ABCA2: variants seen among roughly 807,000 people sequenced by gnomAD.
ABCA2 encodes ATP-binding cassette sub-family A member 2.
In ABCA2, 84 loss-of-function variants were observed where a neutral mutation model predicts 262.8. The observed-to-expected ratio is 0.32, with a 90% CI of 0.27 to 0.38. The LOEUF is 0.38. Ranked by LOEUF, ABCA2 falls within the 10% of genes least tolerant of loss-of-function variation. ABCA2 has a pLI of 1.00. For missense variants in ABCA2, 2,662 were observed against 3,405.9 expected, an observed-to-expected ratio of 0.78 and a Z score of 5.44; for synonymous variants, 1,696 against 1,502.9, an observed-to-expected ratio of 1.13 and a Z score of -2.97.
Position 137,016,004 on chromosome 9 carries a change from A to T in ABCA2, c.3275T>A (p.Leu1092His). ...GATCTCCTCCTGAGCCATGCTCTTG[A>T]GCCGTGAGTAGAACCAGAGGTGTTC... ...VEEHLWFYSR[L>H]KSMAQEEIRR... Residue 1092 changes from leucine to histidine, a missense_variant, in exon 22 of 49, where the codon CTC becomes CAC. By Grantham distance (99) the Leu-to-His change is moderately conservative (BLOSUM62 -3). Coordinates refer to ENST00000341511, the MANE Select transcript of ABCA2 (RefSeq NM_001606.5). 1 of 1,532,624 alleles carries T rather than the reference A, an allele frequency of 6.5e-7. No homozygotes were observed. Among genetic ancestry groups the T allele is most frequent in the Non-Finnish European group, 8.8e-7 (1 of 1,135,776 alleles). 94.9% of individuals were successfully genotyped at this position (1,532,624 alleles called of 1,614,324 possible).
chr9:137,023,996 G>A (rs1263023632), intron 2 of ABCA2, 147 bp downstream of exon 2: 2 of 1,531,156 alleles, frequency 1.3e-6, no homozygotes, highest in African/African-American at 1.4e-5. Flanking sequence ...CAGCCAGGAG[G>A]CACGGCCCAG....
At chr9:137,026,287 A>G (rs934330570) in intron 1 of ABCA2, among the ~76,000 whole-genome samples, 6 of 152,314 alleles carry the variant, frequency 3.9e-5, no homozygotes, top group Non-Finnish European at 7.4e-5. Context: ...AGCTCTGCCC[A>G]GGGTGGAGCT....
In ABCA2 at chr9:137,019,353, C is replaced by A. The variant is rs1831374536; in HGVS notation, c.1426-47G>T. 1.3e-6 allele frequency: 2 copies of A among 1,599,302 alleles called. No individual in the cohort carries two copies. The highest frequency in any genetic ancestry group is 3.4e-5 in the Admixed American group (2 of 59,326). On this transcript the variant is annotated intron_variant, in intron 10 of 48. Coordinates refer to ENST00000341511, the MANE Select transcript of ABCA2 (RefSeq NM_001606.5). The surrounding 1 kb of genome is among the most constrained non-coding windows in gnomAD (Gnocchi z 4.4). ...CATGGAGTTTCTGGACGGACCCCCA[C>A]CGACTTGGGGGCTCTCACCCCACTC...
Position 137,008,554 on chromosome 9 carries a change from T to C in ABCA2, c.7137A>G (p.Ala2379=). 3 of 1,606,808 alleles carry C rather than the reference T, an allele frequency of 1.9e-6. No individual in the cohort carries two copies. The highest frequency in any genetic ancestry group is 1.7e-6 in the Non-Finnish European group (2 of 1,177,406). Reference sequence around the variant, plus strand: ...GCAAGCAGCCGAGAGGGGACTGCAGTGCGGATGGCGGCTCCGTCTCCTGCT... The same window carrying C: ...GCAAGCAGCCGAGAGGGGACTGCAGCGCGGATGGCGGCTCCGTCTCCTGCT... ...LEQQETEPPS[A]LQSPLGCLLS... is the part of the protein sequence containing the mutation. The change falls in exon 48 of 49, where the codon GCA becomes GCG. Residue 2379 remains alanine (A), a synonymous_variant. Coordinates refer to ENST00000341511, the MANE Select transcript of ABCA2 (RefSeq NM_001606.5).
chr9:137,013,307 G>C lies in ABCA2; in HGVS notation c.4562C>G (p.Ser1521Trp), dbSNP rs1187029991. ...EERREYRLRL[S>W]PDASPQQLVS... ...GAGCTGCTGGGGGCTGGCGTCGGGC[G>C]ATAGCCGCAGCCTGCGGGCACCGAC... The change falls in exon 30 of 49, where the codon TCG (serine) becomes TGG (tryptophan). Residue 1521 changes from serine to tryptophan, a missense_variant. Around this residue, in one of 12 missense-constraint regions of ABCA2, gnomAD observed 192 missense variants for 207.2 expected, o/e 0.93. Coordinates refer to ENST00000341511, the MANE Select transcript of ABCA2 (RefSeq NM_001606.5). 3 of 1,554,142 alleles carry C rather than the reference G, an allele frequency of 1.9e-6. No individual in the cohort carries two copies. Among genetic ancestry groups the C allele is most frequent in the African/African-American group, 1.4e-5 (1 of 73,746 alleles).
Position 137,016,989 on chromosome 9 carries a change from C to T in ABCA2, c.2689G>A (p.Val897Ile). The change falls in exon 19 of 49, where the codon GTC (valine) becomes ATC (isoleucine). Residue 897 changes from valine to isoleucine, a missense_variant. Val to Ile is a conservative substitution (Grantham distance 29). Around this residue, in one of 12 missense-constraint regions of ABCA2, gnomAD observed 188 missense variants for 343.4 expected, o/e 0.55. Coordinates refer to ENST00000341511, the MANE Select transcript of ABCA2 (RefSeq NM_001606.5). ...ACGGCGTCCACCATCAGCATGGTGA[C>T]AGCCAGGAGCAAGTTGAAGTCGTCC... ...EGDDFNLLLA[V>I]TMLMVDAVVY... 6.2e-7 allele frequency: 1 copy of T among 1,612,820 alleles called. No homozygotes were observed. The highest frequency in any genetic ancestry group is 8.5e-7 in the Non-Finnish European group (1 of 1,179,998).
At chr9:137,010,930 CCTGCT>C in intron 39 of ABCA2, 38 bp downstream of exon 39, 1 of 671,756 alleles carries the variant, frequency 1.5e-6, no homozygotes, top group Admixed American at 2.5e-5. Flanking sequence ...CGAACCCATC[CCTGCT>C]CCCGCCCCGC....
In ABCA2 at chr9:137,017,068, C is replaced by T. The variant is rs1311112062; in HGVS notation, c.2610G>A (p.Glu870=). 6.2e-7 allele frequency: 1 copy of T among 1,612,688 alleles called. No homozygotes were observed. Among genetic ancestry groups the T allele is most frequent in the African/African-American group, 1.3e-5 (1 of 74,942 alleles). ...GLGSKYFALY[E]VAGVGIQWHT... ...GCCACTGGATGCCCACGCCGGCCAC[C>T]TCATACAGCGCGAAGTACTTAGAGC... Residue 870 remains glutamate, a synonymous_variant, in exon 19 of 49, where the codon GAG becomes GAA. Transcript: ENST00000341511.
rs200303957 is a variant in ABCA2, at chr9:137,007,994, G to A, written c.7276-30C>T. The A allele has an allele frequency of 1.7e-4, 276 of 1,594,180 alleles. 2 individuals carry two copies. The East Asian group carries it at 6.1e-3, about 35-fold the overall frequency. On this transcript the variant is annotated intron_variant, in intron 48 of 48. Coordinates refer to ENST00000341511, the MANE Select transcript of ABCA2 (RefSeq NM_001606.5). ...GCACAGGGGAGGTCAGGCTTATGGG[G>A]CATCCTGTGCCACCCCCTGCTGGGG...
Position 137,009,831 on chromosome 9 carries a change from C to A in ABCA2, c.6568G>T (p.Gly2190Cys). 1 of 1,612,530 alleles carries A rather than the reference C, an allele frequency of 6.2e-7. No homozygotes were observed. Among genetic ancestry groups the A allele is most frequent in the South Asian group, 1.1e-5 (1 of 91,038 alleles). Residue 2190 changes from glycine (G) to cysteine (C), a missense_variant, in exon 43 of 49, where the codon GGC (glycine) becomes TGC (cysteine). Gly to Cys is a radical substitution (Grantham distance 159). Around this residue, in one of 12 missense-constraint regions of ABCA2, gnomAD observed 602 missense variants for 897.4 expected, o/e 0.67. Transcript: ENST00000341511. The stretch of plus-strand genomic sequence containing the variant: ...GCCGTGGAGAGCTTCCGCTTGTTGC[C>A]GCCGCTGTAGGTGCCAGCCGGCTTG... ...ADKPAGTYSGGNKRKLSTAIA... is the reference protein window; with the variant it reads ...ADKPAGTYSGCNKRKLSTAIA...
intron 29 of ABCA2, 61 bp from the exon 30 acceptor site, chr9:137,013,379 C>T: frequency 6.6e-7 from 1 of 1,525,098 alleles, no homozygotes; most frequent in Non-Finnish European, 8.8e-7. Context: ...AGCCCCGCCC[C>T]CTCGCCCGCC....
In ABCA2 at chr9:137,009,087, G is replaced by A. The variant is rs774815103; in HGVS notation, c.6828-34C>T. The A allele has an allele frequency of 3.9e-5, 62 of 1,586,188 alleles. No homozygotes were observed. In the South Asian group the frequency reaches 5.1e-4, roughly 13 times the overall value. On this transcript the variant is annotated intron_variant, in intron 45 of 48. Transcript: ENST00000341511. Reference sequence around the variant, plus strand: ...ACAGGCCGGTGGCCCGGAGCCCTGCGCCGCCCAGCCAGAGCCCCAGCCCCC... The same window carrying A: ...ACAGGCCGGTGGCCCGGAGCCCTGCACCGCCCAGCCAGAGCCCCAGCCCCC...
chr9:137,009,927 G>A (rs768610343), intron 42 of ABCA2, 24 bp from the exon 43 acceptor site: 18 of 1,600,998 alleles, frequency 1.1e-5, no homozygotes, highest in East Asian at 9.0e-5. Flanking sequence ...GCAGGTGTCA[G>A]TGGAGGCAGG....
rs201239238 is a variant in ABCA2, at chr9:137,009,791, C to T, written c.6608G>A (p.Gly2203Glu). 2.5e-6 allele frequency: 4 copies of T among 1,612,020 alleles called. No individual in the cohort carries two copies. The highest frequency in any genetic ancestry group is 1.7e-5 in the Admixed American group (1 of 59,928). The change falls in exon 43 of 49, where the codon GGG becomes GAG. Residue 2203 changes from glycine (G) to glutamate (E), a missense_variant. This residue lies in a region of ABCA2 where 602 missense variants were observed against 897.4 expected (regional missense o/e 0.67). Transcript: ENST00000341511. ...TACCAGGAAGATGAAGGCTGGGTAC[C>T]CAATGAGGGCGATGGCCGTGGAGAG... ...RKLSTAIALI[G>E]YPAFIFLDEP...
intron 40 of ABCA2, 30 bp downstream of exon 40, chr9:137,010,590 C>CCCGGCCCCCCCCAAA: frequency 2.4e-6 from 3 of 1,253,100 alleles, no homozygotes; most frequent in Non-Finnish European, 3.5e-6. Context: ...CTACCCCACC[C>CCCGGCCCCCCCCAAA]AGGCCCCACC....
chr9:137,026,555 G>A (rs895984873), intron 1 of ABCA2, among the ~76,000 whole-genome samples: 4 of 152,286 alleles, frequency 2.6e-5, no homozygotes, highest in African/African-American at 9.6e-5. Context: ...GGCCCAGTGG[G>A]CCTCTGGGAG....
At chr9:137,008,109 T>C in intron 48 of ABCA2, 145 bp from the exon 49 acceptor site, 2 of 1,073,694 alleles carry the variant, frequency 1.9e-6, no homozygotes, top group South Asian at 1.5e-5. Context: ...GTGTCTGGGC[T>C]CTCCCGGGCC....
Position 137,013,044 on chromosome 9 carries a change from G to A in ABCA2, c.4825C>T (p.Leu1609=). ...SDSPASPDED[L]QAWNVSLPPT... ...GGCAGGGAGACGTTCCAGGCCTGCAGGTCCTCATCCGGGGACGCTGGCGAG... is the reference window on the plus strand; with the variant it reads ...GGCAGGGAGACGTTCCAGGCCTGCAAGTCCTCATCCGGGGACGCTGGCGAG... The change falls in exon 30 of 49, where the codon CTG becomes TTG. Residue 1609 remains leucine, a synonymous_variant. Transcript: ENST00000341511. The A allele has an allele frequency of 1.3e-6, 2 of 1,542,332 alleles. No homozygotes were observed. Among genetic ancestry groups the A allele is most frequent in the East Asian group, 2.4e-5 (1 of 41,732 alleles).
chr9:137,010,586 C>T (rs1309768118), intron 40 of ABCA2, 34 bp downstream of exon 40: 3 of 1,326,454 alleles, frequency 2.3e-6, no homozygotes, highest in African/African-American at 1.4e-5. Flanking sequence ...TGGCCTACCC[C>T]ACCCAGGCCC....
Sources: allele counts gnomAD v4.1 joint callset (sites outside exome capture counted in the v4.1 genomes callset), GRCh38; gene constraint gnomAD v4.1.1; regional missense constraint gnomAD v4.1.1; non-coding constraint Gnocchi (gnomAD v3.1); transcripts MANE v1.5; gene names NCBI Gene and HGNC (gene_info 2026-07-23, HGNC 2026-07-21).